The following CDH12 variants were observed in gnomAD, a reference collection of about 807,000 sequenced individuals.
The protein encoded by CDH12 is cadherin 12.
In CDH12, 41 loss-of-function variants were observed where a neutral mutation model predicts 74.1. The ratio of observed to expected loss-of-function variants is 0.55; its 90% CI spans 0.43 to 0.72. CDH12 has a LOEUF of 0.72. CDH12 is among the 30% of genes least tolerant of loss of function. CDH12 has a pLI of 0.00. For synonymous variants in CDH12, 399 were observed against 355.0 expected (o/e 1.12, Z -1.39); for missense variants, 945 against 977.2 (o/e 0.97, Z 0.44).
chr5:22,004,303 G>A (rs924142456), intron 5 of CDH12, among the ~76,000 whole-genome samples: 11 of 152,140 alleles, frequency 7.2e-5, no homozygotes, highest in Non-Finnish European at 1.0e-4. Context: ...GCCACTCTCA[G>A]TGCATAGAAA....
chr5:22,188,556 G>A (rs182414814), intron 4 of CDH12, among the ~76,000 whole-genome samples: 1 of 152,150 alleles, frequency 6.6e-6, no homozygotes, highest in Non-Finnish European at 1.5e-5. Context: ...AATAGAAATG[G>A]AGAAAATAAG....
intron 1 of CDH12, among the ~76,000 whole-genome samples, chr5:22,841,093 T>G (rs141921879): frequency 6.6e-6 from 1 of 152,324 alleles, no homozygotes; most frequent in African/African-American, 2.4e-5. Flanking sequence ...GGTGACATGA[T>G]CTGCCATATT....
intron 11 of CDH12, among the ~76,000 whole-genome samples, chr5:21,773,369 T>C (rs568364139): frequency 6.6e-6 from 1 of 152,142 alleles, no homozygotes; most frequent in Non-Finnish European, 1.5e-5. Context: ...CTCCATCTAA[T>C]CAACTGCCAG....
chr5:22,224,220 T>C (rs1032760570), intron 3 of CDH12, among the ~76,000 whole-genome samples: 4 of 152,110 alleles, frequency 2.6e-5, no homozygotes, highest in Non-Finnish European at 5.9e-5. Flanking sequence ...CATAACATGT[T>C]CTTTTTATAC....
At chr5:22,481,396 C>G (rs757564447) in intron 2 of CDH12, among the ~76,000 whole-genome samples, 1 of 152,118 alleles carries the variant, frequency 6.6e-6, no homozygotes, top group Non-Finnish European at 1.5e-5. Flanking sequence ...AATATCTGTA[C>G]CTTCATGTTC....
intron 8 of CDH12, among the ~76,000 whole-genome samples, chr5:21,832,972 A>C (rs1464240267): frequency 1.0e-5 from 1 of 96,292 alleles, no homozygotes; most frequent in Non-Finnish European, 1.9e-5. Context: ...GATATATGAT[A>C]TAATATATAT....
chr5:21,842,509 A>T (rs912928373), intron 7 of CDH12, among the ~76,000 whole-genome samples, 181 bp from the exon 8 acceptor site: 2 of 152,160 alleles, frequency 1.3e-5, no homozygotes, highest in African/African-American at 4.8e-5. Context: ...CATAATTTAA[A>T]ATATTATAGT....
At chr5:22,542,300 T>C (rs934214710) in intron 1 of CDH12, among the ~76,000 whole-genome samples, 2 of 152,202 alleles carry the variant, frequency 1.3e-5, no homozygotes, top group African/African-American at 4.8e-5. Context: ...TGGTCAGTAA[T>C]TATACAACCT....
intron 2 of CDH12, among the ~76,000 whole-genome samples, chr5:22,470,810 G>A (rs1372022409): frequency 1.3e-5 from 2 of 150,496 alleles, no homozygotes; most frequent in African/African-American, 4.9e-5. Flanking sequence ...TTCAGTGTAG[G>A]GCACTTCTGA....
chr5:22,138,845 AATATAT>A lies in CDH12; in HGVS notation c.-186-59989_-186-59984del, dbSNP rs67115449. Among the ~76,000 whole-genome samples the A allele has an allele frequency of 5.8e-3, 445 of 76,570 alleles. 12 individuals are homozygous for A. The highest frequency in any genetic ancestry group is 0.018 in the African/African-American group (401 of 22,604). 50.2% of individuals were successfully genotyped at this position (76,570 alleles called of 152,430 possible). ...AATATATATGTGTACATATATACGT[AATATAT>A]ATATATATATATATATATATATATA... is the stretch of plus-strand genomic sequence containing the variant. On this transcript the variant is annotated intron_variant, in intron 4 of 14. Transcript: ENST00000382254.
chr5:22,790,380 C>T (rs1747846354), intron 1 of CDH12, among the ~76,000 whole-genome samples: 1 of 152,060 alleles, frequency 6.6e-6, no homozygotes, highest in Non-Finnish European at 1.5e-5. Flanking sequence ...CAACAGTTCT[C>T]ACAATTCTCA....
chr5:21,946,319 T>C (rs993846412), intron 6 of CDH12, among the ~76,000 whole-genome samples: 1 of 152,188 alleles, frequency 6.6e-6, no homozygotes, highest in Non-Finnish European at 1.5e-5. Flanking sequence ...TTTACAAACA[T>C]CCATCTAAAT....
chr5:22,443,955 G>A (rs776007854), intron 2 of CDH12, among the ~76,000 whole-genome samples: 9 of 152,022 alleles, frequency 5.9e-5, no homozygotes, highest in South Asian at 4.1e-4. Flanking sequence ...GGATTTTGAC[G>A]CGTACAAGGA....
intron 1 of CDH12, among the ~76,000 whole-genome samples, chr5:22,530,032 G>A (rs1170017851): frequency 2.6e-5 from 4 of 152,058 alleles, no homozygotes; most frequent in Non-Finnish European, 5.9e-5. Context: ...TACATCTACT[G>A]TAATCATTGA....
At chr5:21,795,940 C>G (rs1304454030) in intron 10 of CDH12, among the ~76,000 whole-genome samples, 1 of 151,932 alleles carries the variant, frequency 6.6e-6, no homozygotes, top group Non-Finnish European at 1.5e-5. Context: ...GGTAAAAAGA[C>G]TAGATTTGGA....
chr5:21,958,290 T>C (rs922383531), intron 6 of CDH12, among the ~76,000 whole-genome samples: 62 of 152,246 alleles, frequency 4.1e-4, no homozygotes, highest in African/African-American at 1.5e-3. Context: ...AGTGTGAAAA[T>C]GGACTAATGA....
chr5:21,842,066 G>A, intron 8 of CDH12, 95 bp downstream of exon 8: 1 of 936,788 alleles, frequency 1.1e-6, no homozygotes, highest in East Asian at 2.5e-5. Flanking sequence ...AAGACTAAGT[G>A]TCTGGAAAAT....
rs535150211 is a variant in CDH12 at position 22,577,610 on chromosome 5, A to G, written c.-522-72246T>C. 9.9e-4 allele frequency among the ~76,000 whole-genome samples: 151 copies of G among 152,310 alleles called. 2 individuals are homozygous for G. The Middle Eastern group carries it at 0.037, about 38-fold the overall frequency. ...AACTAGATAAAGTGTAAACAAATTC[A>G]AAGATTATAGGCAGTTAATGGAATG... On this transcript the variant is annotated intron_variant, in intron 1 of 14. Transcript: ENST00000382254.
At chr5:22,539,246 T>C (rs1737992158) in intron 1 of CDH12, among the ~76,000 whole-genome samples, 1 of 152,124 alleles carries the variant, frequency 6.6e-6, no homozygotes, top group South Asian at 2.1e-4. Flanking sequence ...GGTGAGTGAA[T>C]AGAACACTAA....
Sources: gnomAD v4.1 joint callset for allele counts (sites outside exome capture counted in the v4.1 genomes callset) on GRCh38, gnomAD v4.1.1 for gene constraint, MANE v1.5 for transcripts, NCBI Gene and HGNC (gene_info 2026-07-23, HGNC 2026-07-21) for gene names.